The following ZNF518A variants were observed in gnomAD, a reference collection of about 807,000 sequenced individuals.
The protein encoded by ZNF518A is zinc finger protein 518A.
A neutral mutation model predicts 102.7 loss-of-function variants in ZNF518A; 47 were observed. The ratio of observed to expected loss-of-function variants is 0.46; its 90% CI spans 0.36 to 0.58. ZNF518A has a LOEUF of 0.58. ZNF518A is among the 20% of genes least tolerant of loss of function. The probability of loss-of-function intolerance (pLI) is 0.00; values close to 1 mark genes in which losing one functional copy is unlikely to be tolerated. For missense variants in ZNF518A, 1,793 were observed against 1,699.8 expected, an observed-to-expected ratio of 1.05 and a Z score of -0.96; for synonymous variants, 652 against 594.6, an observed-to-expected ratio of 1.10 and a Z score of -1.40.
At chr10:96,166,063 T>C (rs782725371), downstream of ZNF518A, among the ~76,000 whole-genome samples, 7 of 152,166 alleles carry the variant, frequency 4.6e-5, no homozygotes, top group Non-Finnish European at 8.8e-5. Context: ...CCTGGAGTTC[T>C]GATGTCCAAG....
At chr10:96,173,154 A>C (rs2083183194) in intron 1 of ZNF518A, among the ~76,000 whole-genome samples, 1 of 152,180 alleles carries the variant, frequency 6.6e-6, no homozygotes, top group African/African-American at 2.4e-5. Flanking sequence ...ATTTTACATA[A>C]GGGATTTGAA....
At chr10:96,174,878 G>A (rs1273437357) in intron 1 of ZNF518A, among the ~76,000 whole-genome samples, 1 of 152,114 alleles carries the variant, frequency 6.6e-6, no homozygotes, top group Non-Finnish European at 1.5e-5. Flanking sequence ...AGGATGTGGG[G>A]CCTTAGGGAG....
At chr10:96,155,638 T>A (rs1340024579) in intron 4 of ZNF518A, 1 of 152,220 alleles carries the variant, frequency 6.6e-6, no homozygotes, top group East Asian at 1.9e-4. Flanking sequence ...CCGTCTTTGG[T>A]TGTTTCCGTT....
At chr10:96,165,399 G>A (rs73320939), downstream of ZNF518A, among the ~76,000 whole-genome samples, 10,822 of 148,024 alleles carry the variant, frequency 0.073, 750 homozygotes, top group African/African-American at 0.19. Flanking sequence ...GAGCCACCAT[G>A]CCCAGCCAGT....
intron 3 of ZNF518A, among the ~76,000 whole-genome samples, chr10:96,144,017 G>A (rs920323536): frequency 2.0e-5 from 3 of 151,994 alleles, no homozygotes; most frequent in Admixed American, 6.6e-5. Context: ...GACAGGTCTC[G>A]CTGTGTCACC....
chr10:96,189,604 A>G, intron 1 of ZNF518A: 2 of 693,638 alleles, frequency 2.9e-6, no homozygotes, highest in Non-Finnish European at 5.4e-6. Flanking sequence ...GATGGGTTTG[A>G]GTGTTTTCTA....
downstream of ZNF518A, among the ~76,000 whole-genome samples, chr10:96,167,734 CTA>C (rs1287318212): frequency 1.3e-5 from 2 of 152,168 alleles, no homozygotes; most frequent in African/African-American, 4.8e-5. Flanking sequence ...GTTCTTCACA[CTA>C]TGTACACAAA....
downstream of ZNF518A, among the ~76,000 whole-genome samples, chr10:96,168,560 GTCTA>G (rs2083156357): frequency 6.7e-6 from 1 of 150,078 alleles, no homozygotes; most frequent in African/African-American, 2.5e-5. Context: ...CTCAGCTTTT[GTCTA>G]TCTATGAATA....
At position 96,159,303 on chromosome 10, in the gene ZNF518A, A is replaced by C; in HGVS notation, c.2981A>C (p.Lys994Thr). ...NGKLEGVSAV[K>T]TEGAPARGTV... Reference sequence around the variant, plus strand: ...AAACTTGAAGGTGTTTCCGCTGTCAAAACCGAGGGTGCCCCAGCTCGTGGA... The same window carrying C: ...AAACTTGAAGGTGTTTCCGCTGTCACAACCGAGGGTGCCCCAGCTCGTGGA... Residue 994 changes from lysine to threonine, a missense_variant, in exon 6 of 6, where the codon AAA (lysine) becomes ACA (threonine). Lys to Thr is a moderately conservative substitution (Grantham distance 78). Around this residue, in one of 3 missense-constraint regions of ZNF518A, gnomAD observed 1,741 missense variants for 1,622.6 expected, o/e 1.07. Transcript: ENST00000316045. 6.2e-7 allele frequency: 1 copy of C among 1,613,496 alleles called. No individual in the cohort carries two copies. The highest frequency in any genetic ancestry group is 8.5e-7 in the Non-Finnish European group (1 of 1,179,674).
chr10:96,149,357 C>T (rs1401607429), intron 3 of ZNF518A, among the ~76,000 whole-genome samples: 1 of 152,114 alleles, frequency 6.6e-6, no homozygotes, highest in Non-Finnish European at 1.5e-5. Context: ...TCGTTTAATC[C>T]TCTTGGTTTT....
chr10:96,199,253 A>C (rs1554895439), intron 1 of ZNF518A, among the ~76,000 whole-genome samples: 2 of 152,242 alleles, frequency 1.3e-5, no homozygotes. Context: ...TGGGAGGAGA[A>C]GAGAGAAAGA....
In ZNF518A at chr10:96,159,224, G is replaced by C; in HGVS notation, c.2902G>C (p.Ala968Pro). 1.2e-6 allele frequency: 2 copies of C among 1,613,706 alleles called. No homozygotes were observed. Among genetic ancestry groups the C allele is most frequent in the African/African-American group, 1.3e-5 (1 of 75,038 alleles). ...ATTGGTTAATTCACAAGGTATCCCT[G>C]CTTCTCTTTTTGTAAACAAGAAACC... The part of the protein sequence containing the change: ...LPLVNSQGIP[A>P]SLFVNKKPGM... The change falls in exon 6 of 6, where the codon GCT (alanine) becomes CCT (proline). Residue 968 changes from alanine (A) to proline (P), a missense_variant. By Grantham distance (27) the Ala-to-Pro change is conservative. This residue lies in a region of ZNF518A where 1,741 missense variants were observed against 1,622.6 expected (regional missense o/e 1.07). Transcript: ENST00000316045.
chr10:96,140,319 TA>T (rs2081853305), intron 3 of ZNF518A, among the ~76,000 whole-genome samples: 1 of 152,210 alleles, frequency 6.6e-6, no homozygotes, highest in African/African-American at 2.4e-5. Context: ...GTGTAACTTC[TA>T]ATCATGGAGG....
chr10:96,179,787 T>C (rs1054077304), intron 1 of ZNF518A, among the ~76,000 whole-genome samples: 32 of 151,660 alleles, frequency 2.1e-4, no homozygotes, highest in African/African-American at 7.5e-4. Context: ...CCTTTTCTTC[T>C]TCCTCCTCCT....
chr10:96,185,632 G>A (rs1163414301), intron 1 of ZNF518A, among the ~76,000 whole-genome samples: 1 of 152,230 alleles, frequency 6.6e-6, no homozygotes, highest in African/African-American at 2.4e-5. Context: ...GGTATCACCA[G>A]CAGAGGCTGC....
chr10:96,189,377 A>G (rs781943000), intron 1 of ZNF518A: 4 of 574,268 alleles, frequency 7.0e-6, no homozygotes, highest in Non-Finnish European at 1.3e-5. Context: ...GACTTCCTCC[A>G]CTGCCAGGAT....
At chr10:96,174,713 A>G (rs952988461) in intron 1 of ZNF518A, among the ~76,000 whole-genome samples, 2 of 151,888 alleles carry the variant, frequency 1.3e-5, no homozygotes, top group Non-Finnish European at 2.9e-5. Context: ...TTCAGAATAC[A>G]TTAGTAAAGT....
chr10:96,145,681 C>A (rs1554878244), intron 3 of ZNF518A, among the ~76,000 whole-genome samples: 2 of 152,278 alleles, frequency 1.3e-5, no homozygotes, highest in South Asian at 2.1e-4. Flanking sequence ...TTGATCTCTT[C>A]TTCACCTTTA....
chr10:96,204,474 A>T (rs2083742564), downstream of ZNF518A: 1 of 1,545,766 alleles, frequency 6.5e-7, no homozygotes, highest in Non-Finnish European at 8.9e-7. Context: ...GAAACAATGC[A>T]CATGTTAATT....
Sources: allele counts gnomAD v4.1 joint callset (sites outside exome capture counted in the v4.1 genomes callset), GRCh38; gene constraint gnomAD v4.1.1; regional missense constraint gnomAD v4.1.1; transcripts MANE v1.5; gene names NCBI Gene and HGNC (gene_info 2026-07-23, HGNC 2026-07-21).